SPPL3: variants seen among roughly 807,000 people sequenced by gnomAD.
The protein encoded by SPPL3 is signal peptide peptidase-like 3.
SPPL3 carries 5 observed loss-of-function variants against 42.4 expected under a neutral mutation model. That is an observed-to-expected ratio of 0.12 (90% CI 0.06 to 0.25). The LOEUF (loss-of-function observed/expected upper bound fraction) is 0.25. SPPL3 is among the 10% of genes least tolerant of loss of function. The pLI is 1.00. For synonymous variants in SPPL3, 195 were observed against 181.8 expected (o/e 1.07, Z -0.58); for missense variants, 235 against 489.0 (o/e 0.48, Z 4.90).
intron 1 of SPPL3, 108 bp downstream of exon 1, chr12:120,903,737 C>CCCCCCCCCCCCA: frequency 1.5e-6 from 1 of 655,992 alleles, no homozygotes; most frequent in Non-Finnish European, 2.3e-6. Flanking sequence ...CCCGCGCCCC[C>CCCCCCCCCCCCA]CCCCCACGAC....
At chr12:120,780,853 C>T (rs143223978) in intron 6 of SPPL3, among the ~76,000 whole-genome samples, 8 of 151,498 alleles carry the variant, frequency 5.3e-5, no homozygotes, top group African/African-American at 9.7e-5. Flanking sequence ...AAGGCTGCAG[C>T]GAGCCAAGAT....
chr12:120,813,249 A>C (rs1870745252), intron 1 of SPPL3, among the ~76,000 whole-genome samples: 1 of 152,104 alleles, frequency 6.6e-6, no homozygotes. Context: ...CGTTGTAAAA[A>C]ATAAGACATA....
intron 1 of SPPL3, among the ~76,000 whole-genome samples, chr12:120,839,671 C>A (rs1197410884): frequency 6.6e-6 from 1 of 152,124 alleles, no homozygotes; most frequent in East Asian, 1.9e-4. Flanking sequence ...ACAACACATT[C>A]TTTCACTGGA....
At chr12:120,828,922 A>G (rs921289783) in intron 1 of SPPL3, among the ~76,000 whole-genome samples, 1 of 151,784 alleles carries the variant, frequency 6.6e-6, no homozygotes, top group Non-Finnish European at 1.5e-5. Context: ...CTTCCGGCTA[A>G]GTTTTTTATT....
At chr12:120,853,983 T>TACATACACACAC (rs755902409) in intron 1 of SPPL3, among the ~76,000 whole-genome samples, 1 of 130,216 alleles carries the variant, frequency 7.7e-6, no homozygotes, top group African/African-American at 3.0e-5. Context: ...CACGCACACA[T>TACATACACACAC]ACACACACAC....
At chr12:120,876,005 A>C (rs930139833) in intron 1 of SPPL3, among the ~76,000 whole-genome samples, 9 of 117,332 alleles carry the variant, frequency 7.7e-5, no homozygotes, top group African/African-American at 2.3e-4. Flanking sequence ...AGTGATTGGC[A>C]AAACAAACAG....
intron 1 of SPPL3, among the ~76,000 whole-genome samples, chr12:120,842,135 A>C (rs557849361): frequency 2.6e-5 from 4 of 152,240 alleles, no homozygotes; most frequent in African/African-American, 9.6e-5. Flanking sequence ...ATGGTTTAAA[A>C]TTGTGATGGC....
intron 2 of SPPL3, among the ~76,000 whole-genome samples, chr12:120,810,545 T>G (rs1870650859): frequency 6.6e-6 from 1 of 152,164 alleles, no homozygotes; most frequent in Non-Finnish European, 1.5e-5. Flanking sequence ...TAATAAAGAG[T>G]GCATTAGGTG....
At chr12:120,863,211 G>C (rs1872664387) in intron 1 of SPPL3, among the ~76,000 whole-genome samples, 1 of 152,124 alleles carries the variant, frequency 6.6e-6, no homozygotes, top group Non-Finnish European at 1.5e-5. Flanking sequence ...AGCTGGGTGT[G>C]GTGGTGCATG....
chr12:120,901,407 A>G (rs1873977445), intron 1 of SPPL3, among the ~76,000 whole-genome samples: 1 of 151,916 alleles, frequency 6.6e-6, no homozygotes, highest in Non-Finnish European at 1.5e-5. Flanking sequence ...CCTGGCCAAC[A>G]TGGTGAAACC....
intron 1 of SPPL3, among the ~76,000 whole-genome samples, chr12:120,890,371 C>G (rs957159268): frequency 6.6e-6 from 1 of 152,018 alleles, no homozygotes; most frequent in African/African-American, 2.4e-5. Flanking sequence ...GGGCAGATCA[C>G]GAGGTCAAGA....
chr12:120,900,185 G>A lies in SPPL3; in HGVS notation c.23+3660C>T, dbSNP rs548638676. Among the ~76,000 whole-genome samples, 10 of 152,154 alleles carry A rather than the reference G, an allele frequency of 6.6e-5. No individual in the cohort carries two copies. In the South Asian group the frequency reaches 8.3e-4, roughly 13 times the overall value. On this transcript the variant is annotated intron_variant, in intron 1 of 10. Coordinates refer to ENST00000353487, the MANE Select transcript of SPPL3 (RefSeq NM_139015.5). ...ACATCTTATTATACGAAAATCCTAAGGGAGCCCATCTGCATATGCCTTTAT... is the reference window on the plus strand; with the variant it reads ...ACATCTTATTATACGAAAATCCTAAAGGAGCCCATCTGCATATGCCTTTAT...
At chr12:120,880,060 G>C (rs1455838992) in intron 1 of SPPL3, among the ~76,000 whole-genome samples, 1 of 149,914 alleles carries the variant, frequency 6.7e-6, no homozygotes, top group East Asian at 1.9e-4. Flanking sequence ...TTAGTGAAGG[G>C]AGCCATGTTC....
At chr12:120,780,306 TA>T (rs913633607) in intron 6 of SPPL3, among the ~76,000 whole-genome samples, 1 of 147,984 alleles carries the variant, frequency 6.8e-6, no homozygotes, top group Non-Finnish European at 1.5e-5. Flanking sequence ...AAAATAATAA[TA>T]AAAAAAATTG....
At chr12:120,853,992 A>G (rs1261872749) in intron 1 of SPPL3, among the ~76,000 whole-genome samples, 7 of 104,850 alleles carry the variant, frequency 6.7e-5, no homozygotes, top group Non-Finnish European at 1.0e-4. Context: ...ATACACACAC[A>G]CACACACACA....
intron 1 of SPPL3, among the ~76,000 whole-genome samples, chr12:120,868,153 G>A (rs913799595): frequency 3.9e-5 from 6 of 152,102 alleles, no homozygotes; most frequent in Non-Finnish European, 8.8e-5. Context: ...CCATTCAGGA[G>A]GATGAGGCAG....
intron 1 of SPPL3, among the ~76,000 whole-genome samples, chr12:120,885,390 C>A (rs1873421048): frequency 6.6e-6 from 1 of 152,066 alleles, no homozygotes; most frequent in South Asian, 2.1e-4. Context: ...CACAAATGGG[C>A]CCTGGGTCCA....
chr12:120,886,860 CACATGTAGCT>C (rs1873476631), intron 1 of SPPL3, among the ~76,000 whole-genome samples: 2 of 151,856 alleles, frequency 1.3e-5, no homozygotes, highest in African/African-American at 4.8e-5. Flanking sequence ...AGCTGCTAGC[CACATGTAGCT>C]ACTGAGCACT....
chr12:120,814,579 A>G (rs796103887), intron 1 of SPPL3, among the ~76,000 whole-genome samples: 3 of 152,224 alleles, frequency 2.0e-5, no homozygotes, highest in African/African-American at 7.2e-5. Flanking sequence ...TGAAAACAAG[A>G]AGGAACATTT....
Sources: allele counts gnomAD v4.1 joint callset (sites outside exome capture counted in the v4.1 genomes callset), GRCh38; gene constraint gnomAD v4.1.1; transcripts MANE v1.5; gene names NCBI Gene and HGNC (gene_info 2026-07-23, HGNC 2026-07-21).